GRIN2B: variants seen among roughly 807,000 people sequenced by gnomAD.
The protein encoded by GRIN2B is glutamate ionotropic receptor NMDA type subunit 2B, also known as glutamate receptor ionotropic, NMDA 2B.
GRIN2B carries 5 observed loss-of-function variants against 114.5 expected under a neutral mutation model. The ratio of observed to expected loss-of-function variants is 0.04; its 90% CI spans 0.02 to 0.09. GRIN2B has a LOEUF of 0.09. Among genes scored for constraint, GRIN2B ranks in the 10% least tolerant of loss-of-function variants. GRIN2B has a pLI of 1.00. For synonymous variants in GRIN2B, 787 were observed against 745.1 expected (o/e 1.06, Z -0.92); for missense variants, 1,108 against 1,943.5 (o/e 0.57, Z 8.08).
At chr12:13,620,777 G>A (rs1031173605) in intron 5 of GRIN2B, among the ~76,000 whole-genome samples, 4 of 151,842 alleles carry the variant, frequency 2.6e-5, no homozygotes, top group African/African-American at 4.8e-5. Context: ...ATTAAAGCAC[G>A]ATGAAGAGGT....
At chr12:13,713,552 G>T (rs916479426) in intron 4 of GRIN2B, among the ~76,000 whole-genome samples, 4 of 151,868 alleles carry the variant, frequency 2.6e-5, no homozygotes, top group Non-Finnish European at 4.4e-5. Context: ...CTTCCCTAGC[G>T]ATGAGCCATC....
At chr12:13,695,782 A>C (rs1172728985) in intron 4 of GRIN2B, among the ~76,000 whole-genome samples, 1 of 152,192 alleles carries the variant, frequency 6.6e-6, no homozygotes, top group African/African-American at 2.4e-5. Context: ...TGTTAAGAAA[A>C]ATAGTGGTTG....
At chr12:13,783,961 T>C (rs1377111422) in intron 3 of GRIN2B, among the ~76,000 whole-genome samples, 3 of 152,064 alleles carry the variant, frequency 2.0e-5, no homozygotes, top group Admixed American at 6.5e-5. Flanking sequence ...CGGTGGCTCA[T>C]GCCTGTAATC....
At chr12:13,710,592 A>G (rs978870701) in intron 4 of GRIN2B, among the ~76,000 whole-genome samples, 10 of 149,636 alleles carry the variant, frequency 6.7e-5, no homozygotes, top group African/African-American at 1.8e-4. Flanking sequence ...ATAACAGACA[A>G]ACAGACAGCC....
chr12:13,568,053 G>C (rs1948664339), intron 12 of GRIN2B, among the ~76,000 whole-genome samples: 1 of 152,008 alleles, frequency 6.6e-6, no homozygotes, highest in Admixed American at 6.6e-5. Flanking sequence ...CTGATCTCTT[G>C]TTGAAGAAAA....
chr12:13,905,983 C>A (rs1866528970), intron 2 of GRIN2B, among the ~76,000 whole-genome samples: 1 of 152,130 alleles, frequency 6.6e-6, no homozygotes, highest in Non-Finnish European at 1.5e-5. Flanking sequence ...TGGGTTGAGT[C>A]CCAAGATTTG....
At chr12:13,905,294 A>G (rs142431217) in intron 2 of GRIN2B, among the ~76,000 whole-genome samples, 2 of 152,240 alleles carry the variant, frequency 1.3e-5, no homozygotes, top group East Asian at 3.9e-4. Context: ...CAGTTCACTA[A>G]TTCTCTCTTT....
intron 3 of GRIN2B, among the ~76,000 whole-genome samples, chr12:13,800,955 T>C (rs1267427155): frequency 6.6e-6 from 1 of 152,202 alleles, no homozygotes; most frequent in Non-Finnish European, 1.5e-5. Context: ...TTGTAGTAGA[T>C]CAGCAAGTAT....
chr12:13,605,011 G>A (rs1420130904), intron 10 of GRIN2B, among the ~76,000 whole-genome samples: 4 of 151,464 alleles, frequency 2.6e-5, no homozygotes, highest in Admixed American at 6.6e-5. Flanking sequence ...TTCTGGGTCC[G>A]TTGTTTTTGC....
chr12:13,776,441 A>G (rs962855733), intron 3 of GRIN2B, among the ~76,000 whole-genome samples: 2 of 152,300 alleles, frequency 1.3e-5, no homozygotes, highest in South Asian at 4.1e-4. Context: ...TAATAAAAAA[A>G]CTTCCCATTT....
intron 2 of GRIN2B, among the ~76,000 whole-genome samples, chr12:13,940,811 C>T (rs1867233022): frequency 6.6e-6 from 1 of 152,056 alleles, no homozygotes; most frequent in Admixed American, 6.6e-5. Flanking sequence ...GATGAGTGTT[C>T]CATCTCTGTA....
At chr12:13,587,562 C>T (rs1948946495) in intron 10 of GRIN2B, among the ~76,000 whole-genome samples, 1 of 151,920 alleles carries the variant, frequency 6.6e-6, no homozygotes, top group Non-Finnish European at 1.5e-5. Flanking sequence ...GTCTTGTTGC[C>T]CAGCCTGGTC....
intron 2 of GRIN2B, among the ~76,000 whole-genome samples, chr12:13,902,423 T>G (rs1866466662): frequency 6.6e-6 from 1 of 152,204 alleles, no homozygotes; most frequent in Non-Finnish European, 1.5e-5. Flanking sequence ...TTTTTTGGTC[T>G]TTGCAGATAC....
intron 3 of GRIN2B, among the ~76,000 whole-genome samples, chr12:13,836,470 T>C (rs574146361): frequency 6.6e-6 from 1 of 152,240 alleles, no homozygotes; most frequent in Non-Finnish European, 1.5e-5. Context: ...AAGCCAGTGA[T>C]GCTGGCAATT....
chr12:13,607,279 TAATATATATTATATAAA>T (rs1165152153), intron 10 of GRIN2B, among the ~76,000 whole-genome samples: 6 of 15,842 alleles, frequency 3.8e-4, no homozygotes, highest in Non-Finnish European at 6.8e-4. Context: ...ATAAAATATA[TAATATATATTATATAAA>T]AATATATATT....
At chr12:13,657,615 A>G (rs1047918172) in intron 5 of GRIN2B, among the ~76,000 whole-genome samples, 14 of 152,178 alleles carry the variant, frequency 9.2e-5, no homozygotes, top group African/African-American at 2.9e-4. Context: ...TCCTACTATC[A>G]ATACAACACG....
chr12:13,732,732 T>C (rs545878724), intron 4 of GRIN2B, among the ~76,000 whole-genome samples: 56 of 152,218 alleles, frequency 3.7e-4, no homozygotes, highest in Non-Finnish European at 7.5e-4. Flanking sequence ...CTTTGCAAAG[T>C]AGGTACTTTA....
intron 3 of GRIN2B, among the ~76,000 whole-genome samples, chr12:13,785,464 T>C (rs917969149): frequency 6.6e-6 from 1 of 152,152 alleles, no homozygotes; most frequent in Non-Finnish European, 1.5e-5. Flanking sequence ...AACTCCCACA[T>C]GCCTTATGTC....
intron 3 of GRIN2B, among the ~76,000 whole-genome samples, chr12:13,771,681 G>A (rs1863911384): frequency 6.6e-6 from 1 of 152,236 alleles, no homozygotes; most frequent in South Asian, 2.1e-4. Context: ...ACAGTGCCTA[G>A]CACACAGTAA....
Sources: gnomAD v4.1 joint callset for allele counts (sites outside exome capture counted in the v4.1 genomes callset) on GRCh38, gnomAD v4.1.1 for gene constraint, MANE v1.5 for transcripts, NCBI Gene and HGNC (gene_info 2026-07-23, HGNC 2026-07-21) for gene names.